MICU2: variants seen among roughly 807,000 people sequenced by gnomAD.
MICU2 encodes the protein calcium uptake protein 2, mitochondrial.
Under a neutral mutation model 60.4 loss-of-function variants are expected in MICU2, and 64 were observed. The observed-to-expected ratio is 1.06, with a 90% confidence interval of 0.87 to 1.31. The LOEUF (loss-of-function observed/expected upper bound fraction) is 1.31. Among genes scored for constraint, MICU2 ranks in the 50% most tolerant of loss-of-function variants. The pLI is 0.00. For synonymous variants in MICU2, 201 were observed against 175.0 expected, an observed-to-expected ratio of 1.15 and a Z score of -1.17; for missense variants, 569 against 531.0, an observed-to-expected ratio of 1.07 and a Z score of -0.70.
At chr13:21,573,269 T>C (rs927742044) in intron 1 of MICU2, among the ~76,000 whole-genome samples, 20 of 151,256 alleles carry the variant, frequency 1.3e-4, no homozygotes, top group Non-Finnish European at 2.4e-4. Context: ...AATGTTAACA[T>C]ACATTTTTTT....
chr13:21,590,519 T>C (rs1462342193), intron 1 of MICU2, among the ~76,000 whole-genome samples: 2 of 152,148 alleles, frequency 1.3e-5, no homozygotes, highest in Admixed American at 1.3e-4. Context: ...AAATAAAACA[T>C]CCATTAAAAC....
At chr13:21,588,854 G>C (rs763358368) in intron 1 of MICU2, among the ~76,000 whole-genome samples, 5 of 152,144 alleles carry the variant, frequency 3.3e-5, no homozygotes, top group African/African-American at 1.2e-4. Flanking sequence ...GGGAATACCA[G>C]ATCAATTTAA....
At chr13:21,500,415 T>C (rs1356902803) in intron 9 of MICU2, among the ~76,000 whole-genome samples, 4 of 108,780 alleles carry the variant, frequency 3.7e-5, no homozygotes, top group Non-Finnish European at 7.1e-5. Context: ...TGATACCTAC[T>C]GATTTTTTTT....
Position 21,496,047 on chromosome 13 carries a change from C to G in MICU2, c.1042+5G>C. 6.3e-7 allele frequency: 1 copy of G among 1,599,566 alleles called. No individual in the cohort carries two copies. ...AAAAATTAAATGGTTTTTCATATAACTTACCTAGTCTGACAGGACGATGAG... is the reference window on the plus strand; with the variant it reads ...AAAAATTAAATGGTTTTTCATATAAGTTACCTAGTCTGACAGGACGATGAG... On this transcript the variant is annotated splice_donor_5th_base_variant and intron_variant, in intron 10 of 11. Transcript: ENST00000382374.
intron 1 of MICU2, among the ~76,000 whole-genome samples, chr13:21,567,158 G>A (rs1413132336): frequency 1.3e-5 from 2 of 152,156 alleles, no homozygotes; most frequent in Non-Finnish European, 2.9e-5. Context: ...TCCAAAAAGG[G>A]AGAATGGCAA....
intron 4 of MICU2, among the ~76,000 whole-genome samples, chr13:21,533,464 C>T (rs1017191958): frequency 5.3e-5 from 8 of 149,838 alleles, no homozygotes; most frequent in African/African-American, 2.0e-4. Flanking sequence ...GCTGGGAATA[C>T]AGGTGCCGGC....
At chr13:21,528,015 C>G (rs540717080) in intron 4 of MICU2, among the ~76,000 whole-genome samples, 1 of 152,232 alleles carries the variant, frequency 6.6e-6, no homozygotes, top group Admixed American at 6.5e-5. Flanking sequence ...ATTATCCCAC[C>G]TATTGCAAGA....
intron 6 of MICU2, among the ~76,000 whole-genome samples, chr13:21,516,905 G>C (rs572459847): frequency 1.7e-4 from 26 of 152,302 alleles, no homozygotes; most frequent in African/African-American, 5.1e-4. Flanking sequence ...AGGAGCAACC[G>C]ATACTAGGAA....
At chr13:21,600,298 T>TA (rs2138080161) in intron 1 of MICU2, among the ~76,000 whole-genome samples, 1 of 152,332 alleles carries the variant, frequency 6.6e-6, no homozygotes, top group South Asian at 2.1e-4. Context: ...CAGATCTCTG[T>TA]AAAGCTATCT....
intron 2 of MICU2, among the ~76,000 whole-genome samples, chr13:21,560,130 CT>C: frequency 6.6e-6 from 1 of 152,022 alleles, no homozygotes; most frequent in East Asian, 1.9e-4. Flanking sequence ...TTTGGCTTAC[CT>C]TTTCAATTTC....
At chr13:21,541,306 C>G (rs1314877770) in intron 2 of MICU2, among the ~76,000 whole-genome samples, 2 of 151,990 alleles carry the variant, frequency 1.3e-5, no homozygotes, top group African/African-American at 4.8e-5. Context: ...GTAATGTTTG[C>G]TTCCCTCCAG....
intron 1 of MICU2, among the ~76,000 whole-genome samples, chr13:21,592,770 G>A (rs1566171675): frequency 6.6e-6 from 1 of 152,108 alleles, no homozygotes; most frequent in Non-Finnish European, 1.5e-5. Flanking sequence ...AAAACCACAC[G>A]ATTATCTCAA....
Position 21,493,535 on chromosome 13 carries a change from G to GT in MICU2, c.1201-183dup, listed in dbSNP as rs374749455. Among the ~76,000 whole-genome samples the GT allele has an allele frequency of 2.1e-3, 316 of 152,302 alleles. 1 individual carries two copies. Among genetic ancestry groups the GT allele is most frequent in the African/African-American group, 7.4e-3 (308 of 41,582 alleles). On this transcript the variant is annotated intron_variant, in intron 11 of 11. Coordinates refer to ENST00000382374, the MANE Select transcript of MICU2 (RefSeq NM_152726.3). ...TGGGGGTAAAAGACAAAAAGTGAAT[G>GT]TAACTATGCTTAAGGTTACTAGGGA...
At chr13:21,538,931 C>G (rs979547321) in intron 4 of MICU2, among the ~76,000 whole-genome samples, 8 of 152,106 alleles carry the variant, frequency 5.3e-5, no homozygotes, top group Admixed American at 2.6e-4. Flanking sequence ...TTGATAAGTT[C>G]CCTTTTTCTT....
At chr13:21,578,925 T>C (rs1888285951) in intron 1 of MICU2, among the ~76,000 whole-genome samples, 1 of 152,196 alleles carries the variant, frequency 6.6e-6, no homozygotes, top group Non-Finnish European at 1.5e-5. Flanking sequence ...TCATGGAATC[T>C]TAGAAACAGA....
intron 9 of MICU2, among the ~76,000 whole-genome samples, chr13:21,502,107 ATAAGT>A (rs895946149): frequency 2.0e-5 from 3 of 152,096 alleles, no homozygotes; most frequent in African/African-American, 7.2e-5. Flanking sequence ...TTATAATTAG[ATAAGT>A]TTTCTTTTTA....
intron 9 of MICU2, among the ~76,000 whole-genome samples, chr13:21,499,780 T>C (rs1038894299): frequency 2.6e-5 from 4 of 151,914 alleles, no homozygotes; most frequent in African/African-American, 9.7e-5. Flanking sequence ...TCTTCGAGGA[T>C]TTCACACCTG....
intron 2 of MICU2, among the ~76,000 whole-genome samples, chr13:21,561,582 A>G (rs1887841232): frequency 6.6e-6 from 1 of 150,634 alleles, no homozygotes; most frequent in Non-Finnish European, 1.5e-5. Flanking sequence ...ATTCCTGATA[A>G]TTTCCCTCAT....
At chr13:21,573,422 G>A (rs1161770045) in intron 1 of MICU2, among the ~76,000 whole-genome samples, 8 of 152,040 alleles carry the variant, frequency 5.3e-5, no homozygotes, top group African/African-American at 1.9e-4. Flanking sequence ...ACAGGCGCCC[G>A]CCACCATGCC....
Sources: allele counts gnomAD v4.1 joint callset (sites outside exome capture counted in the v4.1 genomes callset), GRCh38; gene constraint gnomAD v4.1.1; transcripts MANE v1.5; gene names NCBI Gene and HGNC (gene_info 2026-07-23, HGNC 2026-07-21).